CLEC5A: variants seen among roughly 807,000 people sequenced by gnomAD.
CLEC5A encodes the protein C-type lectin domain containing 5A.
Under a neutral mutation model 24.4 loss-of-function variants are expected in CLEC5A, and 15 were observed. That is an observed-to-expected ratio of 0.62 (90% CI 0.41 to 0.95). The LOEUF is 0.95. Ranked by LOEUF, CLEC5A falls within the 40% of genes least tolerant of loss-of-function variation. The pLI is 0.00. For missense variants in CLEC5A, 211 were observed against 224.0 expected (o/e 0.94, Z 0.37); for synonymous variants, 71 against 72.6 (o/e 0.98, Z 0.11).
At chr7:141,940,956 A>G (rs1802778348) in intron 4 of CLEC5A, among the ~76,000 whole-genome samples, 1 of 152,094 alleles carries the variant, frequency 6.6e-6, no homozygotes, top group Admixed American at 6.6e-5. Flanking sequence ...CAATAAAGAA[A>G]AGCCCAGGAT....
chr7:141,944,146 T>C (rs1032901697), intron 3 of CLEC5A, among the ~76,000 whole-genome samples, 182 bp from the exon 4 acceptor site: 5 of 152,188 alleles, frequency 3.3e-5, no homozygotes, highest in African/African-American at 4.8e-5. Context: ...CTATCATTAT[T>C]TGTCAACTTG....
intron 4 of CLEC5A, among the ~76,000 whole-genome samples, chr7:141,943,089 A>T (rs974132279): frequency 2.0e-5 from 3 of 152,164 alleles, no homozygotes; most frequent in Non-Finnish European, 4.4e-5. Flanking sequence ...GCCCAAAAGA[A>T]AGGAAATCAG....
At chr7:141,938,809 G>T (rs1450101557) in intron 4 of CLEC5A, among the ~76,000 whole-genome samples, 3 of 152,214 alleles carry the variant, frequency 2.0e-5, no homozygotes, top group Non-Finnish European at 4.4e-5. Context: ...GCGTTACTGG[G>T]CTTGGGATGT....
In CLEC5A at chr7:141,929,004, G is replaced by A. The variant is rs1802374112; in HGVS notation, c.*1100C>T. ...CTTCCTCTTTCTTGCCTTTCTTCCA[G>A]TGTGGCCAAATGAACTCCCTGTTTC... On this transcript the variant is annotated 3_prime_UTR_variant, in exon 7 of 7. Transcript: ENST00000546910. 1 of 152,244 alleles carries A rather than the reference G, an allele frequency of 6.6e-6. No individual in the cohort carries two copies. The highest frequency in any genetic ancestry group is 1.5e-5 in the Non-Finnish European group (1 of 68,088). The allele number at this position is 152,244 out of a possible 1,614,324, so 9.4% of individuals were successfully genotyped here.
intron 6 of CLEC5A, among the ~76,000 whole-genome samples, chr7:141,930,989 C>T (rs1554440271): frequency 3.3e-5 from 5 of 152,146 alleles, no homozygotes; most frequent in Non-Finnish European, 7.3e-5. Context: ...ACTGACTTGA[C>T]CTCTGTCTGA....
intron 4 of CLEC5A, among the ~76,000 whole-genome samples, chr7:141,939,841 G>A (rs1285945): frequency 0.89 from 134,924 of 151,930 alleles, 60,514 homozygotes; most frequent in Non-Finnish European, 0.96. Context: ...AGACACAAAG[G>A]AGGTCACTGT....
intron 5 of CLEC5A, among the ~76,000 whole-genome samples, chr7:141,935,211 T>G (rs1254294609): frequency 6.6e-6 from 1 of 152,082 alleles, no homozygotes; most frequent in African/African-American, 2.4e-5. Context: ...AGAGTATGGG[T>G]TTTGGAGTCA....
intron 4 of CLEC5A, among the ~76,000 whole-genome samples, chr7:141,940,972 G>T (rs1554441595): frequency 6.6e-6 from 1 of 152,000 alleles, no homozygotes. Context: ...AGGATCCAAT[G>T]ATTTCACTGC....
intron 4 of CLEC5A, among the ~76,000 whole-genome samples, chr7:141,937,754 C>A (rs1720061727): frequency 6.6e-6 from 1 of 152,218 alleles, no homozygotes; most frequent in African/African-American, 2.4e-5. Flanking sequence ...AGGTCTGACC[C>A]AATGCAGTCC....
At chr7:141,941,193 G>C (rs1285796660) in intron 4 of CLEC5A, among the ~76,000 whole-genome samples, 1 of 151,938 alleles carries the variant, frequency 6.6e-6, no homozygotes, top group Non-Finnish European at 1.5e-5. Flanking sequence ...ATACTAGCAA[G>C]CTGAATTCAA....
chr7:141,942,970 T>C (rs1444121371), intron 4 of CLEC5A, among the ~76,000 whole-genome samples: 1 of 152,174 alleles, frequency 6.6e-6, no homozygotes, highest in Non-Finnish European at 1.5e-5. Flanking sequence ...CCTCATACAT[T>C]GTTGGTGGGA....
intron 6 of CLEC5A, 57 bp downstream of exon 6, chr7:141,931,663 G>T: frequency 1.1e-6 from 1 of 913,956 alleles, no homozygotes; most frequent in Non-Finnish European, 1.8e-6. Flanking sequence ...AGCAATCTCA[G>T]GTTTGGTCTT....
chr7:141,939,234 A>G lies in CLEC5A; in HGVS notation c.209-3284T>C, dbSNP rs79289639. On this transcript the variant is annotated intron_variant, in intron 4 of 6. Coordinates refer to ENST00000546910, the MANE Select transcript of CLEC5A (RefSeq NM_013252.3). ...ACTTTTCAAGACATAGACAGTAAAA[A>G]CAAAGTTATAAATAGAAACAATAAA... Among the ~76,000 whole-genome samples the G allele has an allele frequency of 5.1e-3, 771 of 152,292 alleles. 8 individuals carry two copies. Among genetic ancestry groups the G allele is most frequent in the African/African-American group, 0.017 (716 of 41,592 alleles).
chr7:141,942,328 A>G (rs1201406241), intron 4 of CLEC5A, among the ~76,000 whole-genome samples: 3 of 152,154 alleles, frequency 2.0e-5, no homozygotes, highest in Admixed American at 1.3e-4. Flanking sequence ...GCATTGAGGA[A>G]GGGACAGTGT....
In CLEC5A at chr7:141,927,376, T is replaced by C. The variant is rs1554439674; in HGVS notation, c.*2728A>G. ...CTGAAGAAGAGTGACAGAATCTGTT[T>C]AATGTTTTAACAAGATCATCCTGGT... On this transcript the variant is annotated 3_prime_UTR_variant, in exon 7 of 7. Coordinates refer to ENST00000546910, the MANE Select transcript of CLEC5A (RefSeq NM_013252.3). 6.6e-6 allele frequency: 1 copy of C among 152,196 alleles called. No homozygotes were observed. The highest frequency in any genetic ancestry group is 2.4e-5 in the African/African-American group (1 of 41,430). 9.4% of individuals were successfully genotyped at this position (152,196 alleles called of 1,614,324 possible).
At chr7:141,931,359 G>A (rs782753155) in intron 6 of CLEC5A, 20 of 348,142 alleles carry the variant, frequency 5.7e-5, no homozygotes, top group Admixed American at 4.1e-4. Context: ...TCTGTTTGAA[G>A]TCAAGAGACT....
Position 141,943,778 on chromosome 7 carries a change from G to T in CLEC5A, c.208+118C>A, listed in dbSNP as rs76703419. The T allele has an allele frequency of 1.3e-3, 962 of 724,472 alleles. 7 individuals are homozygous for T. The African/African-American group carries it at 0.015, about 12-fold the overall frequency. The allele number at this position is 724,472 out of a possible 1,614,324, so 44.9% of individuals were successfully genotyped here. ...TACAAAGAGAATGAACTGGAAGGTC[G>T]TTATGGTCCCTTTGAGCAAAAAAAT... On this transcript the variant is annotated intron_variant, in intron 4 of 6. Coordinates refer to ENST00000546910, the MANE Select transcript of CLEC5A (RefSeq NM_013252.3).
chr7:141,927,808 A>G lies in CLEC5A; in HGVS notation c.*2296T>C, dbSNP rs2128959529. The G allele has an allele frequency of 6.6e-6, 1 of 152,350 alleles. No homozygotes were observed. Among genetic ancestry groups the G allele is most frequent in the Non-Finnish European group, 1.5e-5 (1 of 68,030 alleles). The allele number at this position is 152,350 out of a possible 1,614,324, so 9.4% of individuals were successfully genotyped here. A position where few individuals can be genotyped will look rare whatever the true frequency, so the allele number is the denominator to read the frequency against. ...CTACATTAAGCTTCTAGCAAATTGA[A>G]AAGCTACTTCTTGGATGAAGATCTC... is the stretch of plus-strand genomic sequence containing the variant. On this transcript the variant is annotated 3_prime_UTR_variant, in exon 7 of 7. Transcript: ENST00000546910.
chr7:141,946,081 T>C, intron 2 of CLEC5A, 133 bp downstream of exon 2: 5 of 906,950 alleles, frequency 5.5e-6, no homozygotes, highest in Non-Finnish European at 6.7e-6. Flanking sequence ...CCAATTGACC[T>C]CAGGTTGGGT....
Sources: gnomAD v4.1 joint callset for allele counts (sites outside exome capture counted in the v4.1 genomes callset) on GRCh38, gnomAD v4.1.1 for gene constraint, MANE v1.5 for transcripts, NCBI Gene and HGNC (gene_info 2026-07-23, HGNC 2026-07-21) for gene names.